Variants in DISP1 observed in about 807,000 individuals in gnomAD.
DISP1 encodes protein dispatched homolog 1.
Under a neutral mutation model 37.3 loss-of-function variants are expected in DISP1, and 30 were observed. The observed-to-expected ratio is 0.80, with a 90% CI of 0.60 to 1.09. The LOEUF is 1.09. Ranked by LOEUF, DISP1 falls within the 50% of genes least tolerant of loss-of-function variation. The pLI is 0.00. For missense variants in DISP1, 1,598 were observed against 1,879.5 expected (o/e 0.85, Z 2.77); for synonymous variants, 634 against 690.2 (o/e 0.92, Z 1.28).
rs535291484 is a variant in DISP1 at position 222,912,266 on chromosome 1, C to T, written c.-158-16164C>T. The stretch of plus-strand genomic sequence containing the variant: ...ATATCTTCATATCTCTGCAATTAAT[C>T]TGTAGGTTTGCATAGAGTAGCAATT... On this transcript the variant is annotated intron_variant, in intron 1 of 8. Transcript: ENST00000675850. Among the ~76,000 whole-genome samples, 5 of 152,332 alleles carry T rather than the reference C, an allele frequency of 3.3e-5. No individual in the cohort carries two copies. The South Asian group carries it at 8.3e-4, about 25-fold the overall frequency.
chr1:222,831,958 C>T (rs1400450399), intron 1 of DISP1, among the ~76,000 whole-genome samples: 2 of 151,988 alleles, frequency 1.3e-5, no homozygotes, highest in Admixed American at 1.3e-4. Context: ...TGCCAGGTAC[C>T]AATTAAGCAG....
chr1:223,001,043 A>G (rs941470712), intron 8 of DISP1, among the ~76,000 whole-genome samples: 3 of 152,146 alleles, frequency 2.0e-5, no homozygotes, highest in Non-Finnish European at 4.4e-5. Flanking sequence ...GAAGAGGAAT[A>G]TTTCTTATTC....
intron 1 of DISP1, among the ~76,000 whole-genome samples, chr1:222,919,937 ATT>A (rs1672718700): frequency 6.6e-6 from 1 of 152,078 alleles, no homozygotes; most frequent in Admixed American, 6.6e-5. Flanking sequence ...GTGATGTGTC[ATT>A]TTCTTAATGT....
intron 4 of DISP1, among the ~76,000 whole-genome samples, chr1:222,986,523 G>T (rs1375817107): frequency 6.6e-6 from 1 of 152,170 alleles, no homozygotes; most frequent in Non-Finnish European, 1.5e-5. Flanking sequence ...ATGTTTGAGG[G>T]ACTTCCACTG....
Position 223,002,743 on chromosome 1 carries a change from T to C in DISP1, c.1346T>C (p.Leu449Ser), listed in dbSNP as rs1679558389. 9 of 1,614,060 alleles carry C rather than the reference T, an allele frequency of 5.6e-6. No individual in the cohort carries two copies. Among genetic ancestry groups the C allele is most frequent in the Non-Finnish European group, 7.6e-6 (9 of 1,180,042 alleles). The change falls in exon 9 of 9, where the codon TTA becomes TCA. Residue 449 changes from leucine to serine, a missense_variant. Coordinates refer to ENST00000675850, the MANE Select transcript of DISP1 (RefSeq NM_001377229.1). ...ACGGCTGACTATGCCACGCCAGCTT[T>C]AAAATACAGCATGCTCTTCTCTCCC... ...PKTADYATPA[L>S]KYSMLFSPTE...
intron 1 of DISP1, among the ~76,000 whole-genome samples, chr1:222,874,384 C>G (rs1238344836): frequency 6.6e-6 from 1 of 151,896 alleles, no homozygotes; most frequent in East Asian, 1.9e-4. Context: ...CAACTTGGTT[C>G]CATTCTCCCC....
intron 3 of DISP1, chr1:222,945,750 A>T (rs903926278): frequency 6.6e-6 from 1 of 152,186 alleles, no homozygotes; most frequent in Non-Finnish European, 1.5e-5. Context: ...GAGACTGTGT[A>T]TGAGCACTGG....
chr1:222,943,309 G>T lies in DISP1; in HGVS notation c.486G>T (p.Val162=). 1 of 1,614,254 alleles carries T rather than the reference G, an allele frequency of 6.2e-7. No individual in the cohort carries two copies. Among genetic ancestry groups the T allele is most frequent in the Non-Finnish European group, 8.5e-7 (1 of 1,180,048 alleles). Residue 162 remains valine (V), a synonymous_variant, in exon 3 of 9, where the codon GTG becomes GTT. Coordinates refer to ENST00000675850, the MANE Select transcript of DISP1 (RefSeq NM_001377229.1). ...CTGACCATTTTCAGCATCAGCCTGT[G>T]CAACAGCACATAGCCAACATAAGGT... is the stretch of plus-strand genomic sequence containing the variant. ...PWPDHFQHQP[V]QQHIANIRPS...
At chr1:222,997,468 C>G (rs2889945) in intron 8 of DISP1, among the ~76,000 whole-genome samples, 72,252 of 151,914 alleles carry the variant, frequency 0.48, 19,000 homozygotes, top group Non-Finnish European at 0.6. Flanking sequence ...TTTTTAACAG[C>G]GTGCTTAGAA....
At chr1:222,990,837 C>A in intron 5 of DISP1, 89 bp downstream of exon 5, 9 of 1,544,988 alleles carry the variant, frequency 5.8e-6, no homozygotes, top group Non-Finnish European at 8.0e-6. Flanking sequence ...TTTAGTAACC[C>A]ATTTCTTTAA....
intron 2 of DISP1, 96 bp from the exon 3 acceptor site, chr1:222,942,711 C>T: frequency 1.4e-6 from 2 of 1,437,268 alleles, no homozygotes; most frequent in Non-Finnish European, 1.9e-6. Flanking sequence ...CAAGAACCCT[C>T]ATTTTCAATG....
At chr1:222,984,881 C>T (rs1678161326) in intron 4 of DISP1, among the ~76,000 whole-genome samples, 1 of 152,138 alleles carries the variant, frequency 6.6e-6, no homozygotes, top group Non-Finnish European at 1.5e-5. Context: ...TGAGTCGAAT[C>T]CTACAGTATT....
chr1:222,946,401 A>G (rs953629693), intron 3 of DISP1, among the ~76,000 whole-genome samples: 3 of 151,620 alleles, frequency 2.0e-5, no homozygotes, highest in Non-Finnish European at 4.4e-5. Context: ...AAAAAAAAAA[A>G]AAGAATTTGA....
At chr1:222,870,491 G>T (rs1161824607) in intron 1 of DISP1, among the ~76,000 whole-genome samples, 1 of 152,158 alleles carries the variant, frequency 6.6e-6, no homozygotes, top group Non-Finnish European at 1.5e-5. Flanking sequence ...TCTAACTGGT[G>T]TGAGATGGTA....
intron 4 of DISP1, among the ~76,000 whole-genome samples, chr1:222,984,403 C>CAA (rs143486728): frequency 0.018 from 547 of 29,988 alleles, 26 homozygotes; most frequent in African/African-American, 0.062. Context: ...GACTCTGTCT[C>CAA]AAAAAAAAAA....
chr1:222,817,106 G>A (rs917862780), intron 1 of DISP1, among the ~76,000 whole-genome samples: 13 of 152,136 alleles, frequency 8.5e-5, no homozygotes, highest in Admixed American at 3.9e-4. Context: ...CCTGTATTCC[G>A]GAAAATCTTT....
chr1:222,908,091 G>A (rs1672008021), intron 1 of DISP1, among the ~76,000 whole-genome samples: 1 of 152,108 alleles, frequency 6.6e-6, no homozygotes, highest in Non-Finnish European at 1.5e-5. Flanking sequence ...TCAGCTTCAC[G>A]GGTGGAACAA....
At chr1:222,922,674 A>C (rs1672870548) in intron 1 of DISP1, among the ~76,000 whole-genome samples, 1 of 152,208 alleles carries the variant, frequency 6.6e-6, no homozygotes, top group Non-Finnish European at 1.5e-5. Context: ...CAGGATATAT[A>C]CATTGAAATG....
intron 1 of DISP1, among the ~76,000 whole-genome samples, chr1:222,867,575 A>C (rs1296881146): frequency 6.6e-6 from 1 of 152,156 alleles, no homozygotes; most frequent in Non-Finnish European, 1.5e-5. Flanking sequence ...TAAACAGTAT[A>C]TTATCATTGA....
Sources: allele counts gnomAD v4.1 joint callset (sites outside exome capture counted in the v4.1 genomes callset), GRCh38; gene constraint gnomAD v4.1.1; transcripts MANE v1.5; gene names NCBI Gene and HGNC (gene_info 2026-07-23, HGNC 2026-07-21).